SEMA6D: variants seen among roughly 807,000 people sequenced by gnomAD.
The protein encoded by SEMA6D is semaphorin 6D.
In SEMA6D, 35 loss-of-function variants were observed where a neutral mutation model predicts 106.6. The observed-to-expected ratio is 0.33, with a 90% CI of 0.25 to 0.44. The LOEUF (loss-of-function observed/expected upper bound fraction) is 0.44. Ranked by LOEUF, SEMA6D falls within the 20% of genes least tolerant of loss-of-function variation. The pLI, the probability that SEMA6D is intolerant of heterozygous loss-of-function variation, is 1.00. For missense variants in SEMA6D, 1,185 were observed against 1,345.9 expected (o/e 0.88, Z 1.87); for synonymous variants, 499 against 487.7 (o/e 1.02, Z -0.31).
intron 1 of SEMA6D, among the ~76,000 whole-genome samples, chr15:47,214,766 A>G (rs909184387): frequency 6.6e-6 from 1 of 152,206 alleles, no homozygotes; most frequent in African/African-American, 2.4e-5. Flanking sequence ...AAACTTAAAA[A>G]TTGTTGTTAA....
intron 2 of SEMA6D, among the ~76,000 whole-genome samples, chr15:47,469,339 T>TAC (rs1383395166): frequency 1.4e-5 from 2 of 145,508 alleles, no homozygotes; most frequent in African/African-American, 5.6e-5. Flanking sequence ...TGCACGCATG[T>TAC]GCGTGTGTGT....
chr15:47,407,793 A>G (rs1422126487), intron 1 of SEMA6D, among the ~76,000 whole-genome samples: 1 of 152,196 alleles, frequency 6.6e-6, no homozygotes. Flanking sequence ...ATTTAGCATG[A>G]TTGTCAAGGC....
intron 1 of SEMA6D, among the ~76,000 whole-genome samples, chr15:47,229,847 A>G (rs956103458): frequency 6.6e-6 from 1 of 152,062 alleles, no homozygotes; most frequent in Non-Finnish European, 1.5e-5. Flanking sequence ...AACATATTAT[A>G]TTTTCATTGA....
At chr15:47,746,675 C>T (rs1265487547) in intron 1 of SEMA6D, among the ~76,000 whole-genome samples, 1 of 152,144 alleles carries the variant, frequency 6.6e-6, no homozygotes, top group African/African-American at 2.4e-5. Flanking sequence ...CACATGCAGG[C>T]CATATGGCAG....
At chr15:47,475,124 C>A (rs1383500549) in intron 3 of SEMA6D, among the ~76,000 whole-genome samples, 1 of 152,092 alleles carries the variant, frequency 6.6e-6, no homozygotes, top group Non-Finnish European at 1.5e-5. Flanking sequence ...CCTGACCTGA[C>A]AAGTGCCAAG....
At chr15:47,327,814 A>T (rs1225059022) in intron 1 of SEMA6D, among the ~76,000 whole-genome samples, 1 of 152,192 alleles carries the variant, frequency 6.6e-6, no homozygotes, top group Non-Finnish European at 1.5e-5. Flanking sequence ...CAGGCAAGCT[A>T]AGACCTTTTC....
At chr15:47,530,986 A>G (rs1004322711) in intron 3 of SEMA6D, among the ~76,000 whole-genome samples, 1 of 152,250 alleles carries the variant, frequency 6.6e-6, no homozygotes, top group African/African-American at 2.4e-5. Context: ...ATTGTTCATT[A>G]TTATTGGCAT....
chr15:47,250,102 T>C (rs1194979751), intron 1 of SEMA6D, among the ~76,000 whole-genome samples: 1 of 152,208 alleles, frequency 6.6e-6, no homozygotes, highest in African/African-American at 2.4e-5. Context: ...TTCTACAAAA[T>C]AAAACTAATC....
chr15:47,645,683 G>A (rs1186491978), intron 4 of SEMA6D, among the ~76,000 whole-genome samples: 9 of 152,206 alleles, frequency 5.9e-5, no homozygotes, highest in Non-Finnish European at 1.3e-4. Context: ...AGGTCACACA[G>A]GTTGAGGGCT....
intron 1 of SEMA6D, among the ~76,000 whole-genome samples, chr15:47,220,790 TA>T (rs200557058): frequency 0.012 from 1,847 of 152,300 alleles, 42 homozygotes; most frequent in Admixed American, 0.012. Context: ...TTGATGCAGG[TA>T]AAATACACAT....
chr15:47,241,460 G>A (rs2032903056), intron 1 of SEMA6D: 1 of 152,182 alleles, frequency 6.6e-6, no homozygotes, highest in Admixed American at 6.6e-5. Context: ...TAATTCTGGA[G>A]CTTGATTTTG....
At chr15:47,675,256 G>A (rs2078219476) in intron 4 of SEMA6D, among the ~76,000 whole-genome samples, 1 of 152,174 alleles carries the variant, frequency 6.6e-6, no homozygotes, top group South Asian at 2.1e-4. Context: ...GTATGTTGAA[G>A]CCCTAATCCC....
At chr15:47,629,233 T>C (rs2077254060) in intron 4 of SEMA6D, among the ~76,000 whole-genome samples, 1 of 152,006 alleles carries the variant, frequency 6.6e-6, no homozygotes, top group Non-Finnish European at 1.5e-5. Context: ...ATTATGCTTT[T>C]TCAGTATTAT....
At chr15:47,340,279 A>C (rs1454601374) in intron 1 of SEMA6D, among the ~76,000 whole-genome samples, 1 of 152,130 alleles carries the variant, frequency 6.6e-6, no homozygotes, top group African/African-American at 2.4e-5. Flanking sequence ...AGAGTGAGCC[A>C]TGTAAACCAT....
chr15:47,770,815 A>C lies in SEMA6D; in HGVS notation c.2252A>C (p.Asn751Thr), dbSNP rs765213217. ...LLTSRKELPP[N>T]GDTKSMVMDH... Reference sequence around the variant, plus strand: ...ACCAGTCGGAAAGAGCTACCACCCAATGGAGATACTAAATCCATGGTAATG... The same window carrying C: ...ACCAGTCGGAAAGAGCTACCACCCACTGGAGATACTAAATCCATGGTAATG... The change falls in exon 19 of 19, where the codon AAT becomes ACT. Residue 751 changes from asparagine to threonine, a missense_variant. By Grantham distance (65) the Asn-to-Thr change is moderately conservative. Transcript: ENST00000536845. 6.2e-7 allele frequency: 1 copy of C among 1,613,820 alleles called. No homozygotes were observed. Among genetic ancestry groups the C allele is most frequent in the African/African-American group, 1.3e-5 (1 of 74,890 alleles).
In SEMA6D at chr15:47,298,628, G is replaced by A. The variant is rs149920371; in HGVS notation, c.-238-113765G>A. Among the ~76,000 whole-genome samples, 154 of 152,224 alleles carry A rather than the reference G, an allele frequency of 1.0e-3. 1 individual carries two copies. Among genetic ancestry groups the A allele is most frequent in the African/African-American group, 3.6e-3 (148 of 41,552 alleles). The stretch of plus-strand genomic sequence containing the variant: ...GTCTGTGCAATGCTCCATCAACTCT[G>A]TTTTCACATCTGCCCTCCAGCAGGC... On this transcript the variant is annotated intron_variant, in intron 1 of 19. Transcript: ENST00000558014.
chr15:47,517,657 C>G (rs1179970595), intron 3 of SEMA6D, among the ~76,000 whole-genome samples: 1 of 152,110 alleles, frequency 6.6e-6, no homozygotes, highest in East Asian at 1.9e-4. Context: ...GGGAACTTTT[C>G]TTCTGACCTT....
chr15:47,349,329 A>G (rs560696516), intron 1 of SEMA6D, among the ~76,000 whole-genome samples: 2 of 152,270 alleles, frequency 1.3e-5, no homozygotes, highest in African/African-American at 4.8e-5. Flanking sequence ...CAGGTGCAGG[A>G]TAACATCTCT....
At chr15:47,372,922 C>T (rs1325446409) in intron 1 of SEMA6D, among the ~76,000 whole-genome samples, 1 of 152,182 alleles carries the variant, frequency 6.6e-6, no homozygotes, top group Non-Finnish European at 1.5e-5. Flanking sequence ...TCACAAGAAA[C>T]ATAACTTTAA....
Sources: gnomAD v4.1 joint callset for allele counts (sites outside exome capture counted in the v4.1 genomes callset) on GRCh38, gnomAD v4.1.1 for gene constraint, MANE v1.5 for transcripts, NCBI Gene and HGNC (gene_info 2026-07-23, HGNC 2026-07-21) for gene names.